Variants in ESRRG observed in about 807,000 individuals in gnomAD.
ESRRG encodes estrogen-related receptor gamma.
ESRRG carries 13 observed loss-of-function variants against 44.0 expected under a neutral mutation model. That is an observed-to-expected ratio of 0.30 (90% confidence interval 0.19 to 0.47). ESRRG has a LOEUF of 0.47. Ranked by LOEUF, ESRRG falls within the 20% of genes least tolerant of loss-of-function variation. ESRRG has a pLI of 1.00. For synonymous variants in ESRRG, 215 were observed against 214.6 expected (o/e 1.00, Z -0.02); for missense variants, 395 against 580.6 (o/e 0.68, Z 3.29).
At chr1:217,090,813 T>C (rs2092331496), upstream of ESRRG, among the ~76,000 whole-genome samples, 1 of 152,220 alleles carries the variant, frequency 6.6e-6, no homozygotes, top group Non-Finnish European at 1.5e-5. Flanking sequence ...AGGAAAACTT[T>C]TTTTTAATAC....
At chr1:216,823,694 G>C in intron 2 of ESRRG, among the ~76,000 whole-genome samples, 1 of 152,132 alleles carries the variant, frequency 6.6e-6, no homozygotes, top group East Asian at 1.9e-4. Flanking sequence ...CGACAGAACT[G>C]TTTATCTTCT....
At chr1:217,058,605 C>A (rs1580215925) in intron 1 of ESRRG, among the ~76,000 whole-genome samples, 1 of 152,092 alleles carries the variant, frequency 6.6e-6, no homozygotes, top group South Asian at 2.1e-4. Context: ...GGTGGGACAA[C>A]CATATGCAAA....
chr1:216,581,809 C>T (rs374631600), intron 3 of ESRRG, among the ~76,000 whole-genome samples: 75 of 152,222 alleles, frequency 4.9e-4, no homozygotes, highest in East Asian at 2.3e-3. Flanking sequence ...GTTTCCACTC[C>T]GAAAAGAAGG....
chr1:216,664,385 C>T (rs1383456660), intron 2 of ESRRG, among the ~76,000 whole-genome samples: 2 of 151,410 alleles, frequency 1.3e-5, no homozygotes, highest in Non-Finnish European at 2.9e-5. Flanking sequence ...TAATGTAAAG[C>T]ACATAGAACA....
intron 1 of ESRRG, chr1:216,714,623 A>C (rs1575658101): frequency 1.0e-5 from 9 of 900,692 alleles, no homozygotes; most frequent in Non-Finnish European, 1.2e-5. Context: ...CTAGACATTA[A>C]AGTTTTGTTC....
chr1:216,663,887 T>C (rs1344606291), intron 2 of ESRRG, among the ~76,000 whole-genome samples: 2 of 152,116 alleles, frequency 1.3e-5, no homozygotes, highest in Non-Finnish European at 2.9e-5. Context: ...GAGAAAGGAA[T>C]GTCAGATGAT....
chr1:216,970,933 CAG>C (rs2071513666), intron 1 of ESRRG, among the ~76,000 whole-genome samples: 1 of 152,100 alleles, frequency 6.6e-6, no homozygotes, highest in Non-Finnish European at 1.5e-5. Context: ...GACCCAGGCA[CAG>C]AGAATAAATC....
At chr1:216,705,907 G>A (rs1323863528) in intron 1 of ESRRG, among the ~76,000 whole-genome samples, 1 of 152,168 alleles carries the variant, frequency 6.6e-6, no homozygotes, top group African/African-American at 2.4e-5. Context: ...GCCTGGGCAT[G>A]GACTGCCTTT....
intron 2 of ESRRG, among the ~76,000 whole-genome samples, chr1:216,777,289 C>T (rs998878469): frequency 6.6e-6 from 1 of 152,078 alleles, no homozygotes; most frequent in African/African-American, 2.4e-5. Context: ...GATGGTGTTC[C>T]GAGGCAATGC....
At chr1:216,618,964 C>T (rs2061798897) in intron 3 of ESRRG, among the ~76,000 whole-genome samples, 2 of 152,222 alleles carry the variant, frequency 1.3e-5, no homozygotes, top group South Asian at 2.1e-4. Context: ...CAAATACATC[C>T]ACTAGAACCC....
intron 5 of ESRRG, among the ~76,000 whole-genome samples, chr1:216,542,917 A>C (rs552374466): frequency 1.3e-3 from 198 of 152,008 alleles, no homozygotes; most frequent in African/African-American, 4.4e-3. Flanking sequence ...ACTACTTTCT[A>C]TCTCCCCCTT....
intron 1 of ESRRG, among the ~76,000 whole-genome samples, chr1:217,088,398 C>CTTTTTTTTTT (rs71585811): frequency 5.0e-5 from 3 of 59,736 alleles, no homozygotes; most frequent in African/African-American, 1.5e-4. Flanking sequence ...TTTTTCCTGT[C>CTTTTTTTTTT]TTTTTTTTTT....
intron 2 of ESRRG, among the ~76,000 whole-genome samples, chr1:216,739,925 C>T (rs2090450104): frequency 6.6e-6 from 1 of 152,144 alleles, no homozygotes; most frequent in African/African-American, 2.4e-5. Flanking sequence ...TCCTGCCAGA[C>T]TCCTTCATTC....
At chr1:216,831,821 A>G (rs1053110126) in intron 2 of ESRRG, among the ~76,000 whole-genome samples, 1 of 152,156 alleles carries the variant, frequency 6.6e-6, no homozygotes, top group African/African-American at 2.4e-5. Flanking sequence ...TGGGGTGAAA[A>G]TAAAGCCCAA....
intron 2 of ESRRG, among the ~76,000 whole-genome samples, chr1:216,849,222 T>A (rs962310761): frequency 4.6e-5 from 7 of 152,174 alleles, no homozygotes; most frequent in East Asian, 1.9e-4. Context: ...AACTAATTCA[T>A]TGTTTACACT....
chr1:216,732,669 T>C (rs1477697940), intron 2 of ESRRG, among the ~76,000 whole-genome samples: 1 of 151,852 alleles, frequency 6.6e-6, no homozygotes, highest in Non-Finnish European at 1.5e-5. Flanking sequence ...CTGGGCATGG[T>C]GGCGTGCACA....
rs558967062 is a variant in ESRRG, at chr1:217,029,090, C to A, written c.-106+60417G>T. 3.9e-5 allele frequency among the ~76,000 whole-genome samples: 6 copies of A among 152,120 alleles called. No individual in the cohort carries two copies. In the South Asian group the frequency reaches 1.2e-3, roughly 32 times the overall value. On this transcript the variant is annotated intron_variant, in intron 1 of 7. Transcript: ENST00000359162. ...AAAAAAAGAAGAAATTAATTCTAAC[C>A]CTTACCTTTGGCATCTTATAAGACT...
In ESRRG at chr1:216,791,299, C is replaced by T. The variant is rs543176534; in HGVS notation, c.-13-113808G>A. Among the ~76,000 whole-genome samples, 8 of 152,130 alleles carry T rather than the reference C, an allele frequency of 5.3e-5. No homozygotes were observed. In the South Asian group the frequency reaches 1.7e-3, roughly 32 times the overall value. On this transcript the variant is annotated intron_variant, in intron 2 of 7. Transcript: ENST00000359162. ...GTGCGTGGCACCTCCTTCCCCGACT[C>T]TCTTCCCTCTTTCTCCTGCTTGCTC...
intron 2 of ESRRG, among the ~76,000 whole-genome samples, chr1:216,881,421 T>A (rs1031861462): frequency 8.5e-5 from 13 of 152,082 alleles, no homozygotes; most frequent in African/African-American, 3.1e-4. Flanking sequence ...CCTGTGCCCA[T>A]GAATTGCCAC....
Sources: gnomAD v4.1 joint callset for allele counts (sites outside exome capture counted in the v4.1 genomes callset) on GRCh38, gnomAD v4.1.1 for gene constraint, MANE v1.5 for transcripts, NCBI Gene and HGNC (gene_info 2026-07-23, HGNC 2026-07-21) for gene names.